The following C3orf70 variants were observed in gnomAD, a reference collection of about 807,000 sequenced individuals.
The protein encoded by C3orf70 is UPF0524 protein C3orf70.
C3orf70 carries 15 observed loss-of-function variants against 20.7 expected under a neutral mutation model. The observed-to-expected ratio is 0.72, with a 90% confidence interval of 0.48 to 1.11. The LOEUF (loss-of-function observed/expected upper bound fraction) is 1.11, where lower values mean the gene tolerates loss of function less well. Ranked by LOEUF, C3orf70 falls within the 50% of genes most tolerant of loss-of-function variation. C3orf70 has a pLI of 0.00. For missense variants in C3orf70, 332 were observed against 317.6 expected (o/e 1.05, Z -0.34); for synonymous variants, 161 against 125.7 (o/e 1.28, Z -1.88).
intron 1 of C3orf70, among the ~76,000 whole-genome samples, chr3:185,142,157 T>C (rs1716764474): frequency 2.6e-5 from 4 of 151,850 alleles, no homozygotes; most frequent in Admixed American, 2.6e-4. Flanking sequence ...TATAACACAC[T>C]GAAAAAAAAA....
chr3:185,107,327 G>C (rs1386191348), intron 1 of C3orf70, among the ~76,000 whole-genome samples: 4 of 152,144 alleles, frequency 2.6e-5, no homozygotes, highest in Non-Finnish European at 5.9e-5. Flanking sequence ...ATCTATGGGG[G>C]AGAGATTTAT....
chr3:185,139,629 C>T (rs1167899143), intron 1 of C3orf70, among the ~76,000 whole-genome samples: 5 of 151,628 alleles, frequency 3.3e-5, no homozygotes, highest in Admixed American at 6.6e-5. Context: ...ATGGTACTGG[C>T]AGAAGAAGAG....
chr3:185,091,780 G>C (rs1044250119), intron 1 of C3orf70, among the ~76,000 whole-genome samples: 1 of 148,792 alleles, frequency 6.7e-6, no homozygotes, highest in Non-Finnish European at 1.5e-5. Flanking sequence ...CGCCTCCCAG[G>C]TTCAAGCAAT....
intron 1 of C3orf70, among the ~76,000 whole-genome samples, chr3:185,110,900 A>G (rs950406755): frequency 6.6e-6 from 1 of 152,242 alleles, no homozygotes; most frequent in Non-Finnish European, 1.5e-5. Flanking sequence ...CTGTTAATAA[A>G]TATGTGTGTA....
At chr3:185,093,537 A>T (rs1446483052) in intron 1 of C3orf70, among the ~76,000 whole-genome samples, 1 of 152,170 alleles carries the variant, frequency 6.6e-6, no homozygotes, top group Non-Finnish European at 1.5e-5. Flanking sequence ...GGGAAAGAGA[A>T]GTGTAGAATG....
intron 1 of C3orf70, among the ~76,000 whole-genome samples, chr3:185,122,814 C>G (rs1716330091): frequency 6.7e-6 from 1 of 149,782 alleles, no homozygotes; most frequent in Non-Finnish European, 1.5e-5. Flanking sequence ...GGCAATTGGT[C>G]TCTGAGAGCT....
intron 1 of C3orf70, among the ~76,000 whole-genome samples, chr3:185,132,211 G>C (rs1177896398): frequency 1.3e-5 from 2 of 152,140 alleles, no homozygotes; most frequent in African/African-American, 4.8e-5. Context: ...ACATAAAAAT[G>C]AGCAAGGCAT....
intron 1 of C3orf70, among the ~76,000 whole-genome samples, chr3:185,137,727 T>C (rs1284153970): frequency 6.6e-6 from 1 of 152,040 alleles, no homozygotes; most frequent in East Asian, 1.9e-4. Flanking sequence ...ACATAAAAAT[T>C]TATGATACAC....
Position 185,080,650 on chromosome 3 carries a change from C to T in C3orf70, c.*2357G>A, listed in dbSNP as rs1045350676. 1 of 152,416 alleles carries T rather than the reference C, an allele frequency of 6.6e-6. No individual in the cohort carries two copies. The highest frequency in any genetic ancestry group is 2.1e-4 in the South Asian group (1 of 4,826). 9.4% of individuals were successfully genotyped at this position (152,416 alleles called of 1,614,324 possible). ...GCATGACTGCACTGCTGTGGCCTGA[C>T]ACACGGCTTGCAGGCATTTGGCTTC... is the stretch of plus-strand genomic sequence containing the variant. On this transcript the variant is annotated 3_prime_UTR_variant, in exon 2 of 2. Coordinates refer to ENST00000335012, the MANE Select transcript of C3orf70 (RefSeq NM_001025266.3).
At chr3:185,137,283 C>A (rs116708040) in intron 1 of C3orf70, among the ~76,000 whole-genome samples, 1 of 152,196 alleles carries the variant, frequency 6.6e-6, no homozygotes, top group African/African-American at 2.4e-5. Context: ...TGGAACTGTA[C>A]ATCCCATTAA....
chr3:185,115,837 A>G (rs1716163045), intron 1 of C3orf70, among the ~76,000 whole-genome samples: 1 of 152,248 alleles, frequency 6.6e-6, no homozygotes, highest in African/African-American at 2.4e-5. Context: ...CACGGCAAAA[A>G]GAGCGCTAAA....
Position 185,079,306 on chromosome 3 carries a change from T to TAAAAAAAAAA in C3orf70, c.*3700_*3701insTTTTTTTTTT, listed in dbSNP as rs1321535800. ...AAAAAAAAAAAAAAAAAAAAAAAAGTAAAGCCACCACTCCCAAGATAGAAT... is the reference window on the plus strand; with the variant it reads ...AAAAAAAAAAAAAAAAAAAAAAAAGTAAAAAAAAAAAAAGCCACCACTCCCAAGATAGAAT... On this transcript the variant is annotated 3_prime_UTR_variant, in exon 2 of 2. Transcript: ENST00000335012. The TAAAAAAAAAA allele has an allele frequency of 2.3e-4, 28 of 122,780 alleles. No individual in the cohort carries two copies. Among genetic ancestry groups the TAAAAAAAAAA allele is most frequent in the African/African-American group, 6.7e-4 (19 of 28,476 alleles). The allele number at this position is 122,780 out of a possible 1,614,324, so 7.6% of individuals were successfully genotyped here.
rs1185158978 is a variant in C3orf70 at position 185,079,513 on chromosome 3, A to G, written c.*3494T>C. 1 of 152,154 alleles carries G rather than the reference A, an allele frequency of 6.6e-6. No homozygotes were observed. The highest frequency in any genetic ancestry group is 1.9e-4 in the East Asian group (1 of 5,196). 9.4% of individuals were successfully genotyped at this position (152,154 alleles called of 1,614,324 possible). A position where few individuals can be genotyped will look rare whatever the true frequency, so the allele number is the denominator to read the frequency against. On this transcript the variant is annotated 3_prime_UTR_variant, in exon 2 of 2. Transcript: ENST00000335012. ...CATATCTTAAAAATGACATAGTAAA[A>G]AAGACCTAGATGTGATAGTAAACCC...
Position 185,093,899 on chromosome 3 carries a change from T to C in C3orf70, c.197-10336A>G, listed in dbSNP as rs904443802. The stretch of plus-strand genomic sequence containing the variant: ...GTCATCCCTCAGGATCCTCAGGGGA[T>C]TGGTTCGAGGACCACCCCACCCCAA... On this transcript the variant is annotated intron_variant, in intron 1 of 1. Transcript: ENST00000335012. Among the ~76,000 whole-genome samples the C allele has an allele frequency of 2.0e-5, 3 of 151,978 alleles. No individual in the cohort carries two copies. In the South Asian group the frequency reaches 6.2e-4, roughly 32 times the overall value.
chr3:185,115,209 C>T (rs781165940), intron 1 of C3orf70, among the ~76,000 whole-genome samples: 2 of 152,136 alleles, frequency 1.3e-5, no homozygotes, highest in African/African-American at 4.8e-5. Context: ...AGAGCCAATA[C>T]ACTAAATAAT....
chr3:185,117,111 C>T (rs1451311261), intron 1 of C3orf70, among the ~76,000 whole-genome samples: 2 of 152,248 alleles, frequency 1.3e-5, no homozygotes, highest in South Asian at 2.1e-4. Flanking sequence ...TGAGAAACCA[C>T]ATTTATGGAA....
intron 1 of C3orf70, among the ~76,000 whole-genome samples, chr3:185,142,251 C>T (rs1475736340): frequency 2.6e-5 from 4 of 152,046 alleles, no homozygotes; most frequent in Non-Finnish European, 5.9e-5. Flanking sequence ...TGAGCTCACA[C>T]GTTTGAGATC....
At chr3:185,148,608 G>A (rs571691618) in intron 1 of C3orf70, among the ~76,000 whole-genome samples, 3 of 152,096 alleles carry the variant, frequency 2.0e-5, no homozygotes, top group South Asian at 2.1e-4. Context: ...CCTCTCTCGC[G>A]AAGCCATGTA....
intron 1 of C3orf70, among the ~76,000 whole-genome samples, chr3:185,103,070 C>T (rs1041295853): frequency 2.6e-5 from 4 of 152,182 alleles, no homozygotes; most frequent in Admixed American, 2.0e-4. Context: ...CATGGTGAAA[C>T]CCCATCTCTA....
Sources: gnomAD v4.1 joint callset for allele counts (sites outside exome capture counted in the v4.1 genomes callset) on GRCh38, gnomAD v4.1.1 for gene constraint, MANE v1.5 for transcripts, NCBI Gene and HGNC (gene_info 2026-07-23, HGNC 2026-07-21) for gene names.